Variants in OR51A7 observed in about 807,000 individuals in gnomAD.
OR51A7 encodes olfactory receptor 51A7.
For synonymous variants in OR51A7, 143 were observed against 135.5 expected, an observed-to-expected ratio of 1.05 and a Z score of -0.38; for missense variants, 409 against 374.5, an observed-to-expected ratio of 1.09 and a Z score of -0.76.
intron 1 of OR51A7, among the ~76,000 whole-genome samples, chr11:4,905,086 A>G (rs1034500846): frequency 1.3e-5 from 2 of 152,180 alleles, no homozygotes; most frequent in African/African-American, 4.8e-5. Context: ...ATAAAAAGGA[A>G]TAAGAGTTAA....
rs1388446902 is a variant in OR51A7 at position 4,909,190 on chromosome 11, G to A, written c.*882G>A. The A allele has an allele frequency of 6.6e-6, 1 of 151,822 alleles. No individual in the cohort carries two copies. Among genetic ancestry groups the A allele is most frequent in the Non-Finnish European group, 1.5e-5 (1 of 67,966 alleles). 9.4% of individuals were successfully genotyped at this position (151,822 alleles called of 1,614,324 possible). ...ATGTTCTTAAAAATTGATTCCTGCA[G>A]GACACGACATTTGGTACCACAATAA... On this transcript the variant is annotated 3_prime_UTR_variant, in exon 2 of 2. Coordinates refer to ENST00000641490, the MANE Select transcript of OR51A7 (RefSeq NM_001004749.2).
chr11:4,907,575 C>G lies in OR51A7; in HGVS notation c.206C>G (p.Ser69Cys), dbSNP rs2133565872. The change falls in exon 2 of 2, where the codon TCT becomes TGT. Residue 69 changes from serine to cysteine, a missense_variant. Physicochemically the swap from Ser to Cys is moderately radical, Grantham distance 112. Transcript: ENST00000641490. ...TATTTCCTTGCCATGTTGGCTGTCT[C>G]TGACATGGGCCTGTCCCTCTCCTCC... ...MYYFLAMLAV[S>C]DMGLSLSSLP... 6.2e-7 allele frequency: 1 copy of G among 1,614,082 alleles called. No individual in the cohort carries two copies. The highest frequency in any genetic ancestry group is 8.5e-7 in the Non-Finnish European group (1 of 1,179,972).
Position 4,908,039 on chromosome 11 carries a change from A to T in OR51A7, c.670A>T (p.Ile224Leu). ...VLSYVLILKT[I>L]LSIASLAERL... ...GTCTTATGTGCTGATCTTGAAGACT[A>T]TACTCAGCATTGCATCTTTGGCAGA... Residue 224 changes from isoleucine to leucine, a missense_variant, in exon 2 of 2, where the codon ATA (isoleucine) becomes TTA (leucine). Transcript: ENST00000641490. 6.2e-7 allele frequency: 1 copy of T among 1,614,134 alleles called. No homozygotes were observed. The highest frequency in any genetic ancestry group is 8.5e-7 in the Non-Finnish European group (1 of 1,180,008).
intron 1 of OR51A7, among the ~76,000 whole-genome samples, chr11:4,904,785 G>A (rs116473629): frequency 6.6e-6 from 1 of 152,084 alleles, no homozygotes; most frequent in Non-Finnish European, 1.5e-5. Flanking sequence ...GCTAAGAAAT[G>A]ATTCTACATA....
intron 1 of OR51A7, among the ~76,000 whole-genome samples, chr11:4,906,038 A>T (rs1160111403): frequency 6.6e-6 from 1 of 152,198 alleles, no homozygotes; most frequent in South Asian, 2.1e-4. Flanking sequence ...AGATTAAATA[A>T]TCCAATCAAG....
Position 4,909,064 on chromosome 11 carries a change from G to A in OR51A7, c.*756G>A, listed in dbSNP as rs565781634. 1 of 152,146 alleles carries A rather than the reference G, an allele frequency of 6.6e-6. No homozygotes were observed. Among genetic ancestry groups the A allele is most frequent in the East Asian group, 1.9e-4 (1 of 5,178 alleles). 9.4% of individuals were successfully genotyped at this position (152,146 alleles called of 1,614,324 possible). ...ATGGAAAATTCACAAATTTAACTAA[G>A]TGACTAAAAGATAATTTTAAACCCC... On this transcript the variant is annotated 3_prime_UTR_variant, in exon 2 of 2. Coordinates refer to ENST00000641490, the MANE Select transcript of OR51A7 (RefSeq NM_001004749.2).
At position 4,907,543 on chromosome 11, in the gene OR51A7, C is replaced by A; in HGVS notation, c.174C>A (p.Pro58=). The A allele has an allele frequency of 6.2e-7, 1 of 1,614,070 alleles. No homozygotes were observed. The highest frequency in any genetic ancestry group is 8.5e-7 in the Non-Finnish European group (1 of 1,180,008). ...AGACAGAGCCCTCGCTTCATGAGCC[C>A]ATGTATTATTTCCTTGCCATGTTGG... ...IIKTEPSLHE[P]MYYFLAMLAV... is the part of the protein sequence containing the mutation. The change falls in exon 2 of 2, where the codon CCC becomes CCA. Residue 58 remains proline, a synonymous_variant. Coordinates refer to ENST00000641490, the MANE Select transcript of OR51A7 (RefSeq NM_001004749.2).
At chr11:4,905,222 G>A (rs376444934) in intron 1 of OR51A7, among the ~76,000 whole-genome samples, 1 of 152,048 alleles carries the variant, frequency 6.6e-6, no homozygotes, top group Non-Finnish European at 1.5e-5. Context: ...ATCTGCTACC[G>A]TCTCCACATT....
chr11:4,904,213 A>G (rs1850847633), intron 1 of OR51A7, among the ~76,000 whole-genome samples: 1 of 152,114 alleles, frequency 6.6e-6, no homozygotes, highest in South Asian at 2.1e-4. Flanking sequence ...TGAGGTAGAT[A>G]CCATTGTTTA....
chr11:4,903,937 A>C (rs7118691), intron 1 of OR51A7, 93 bp downstream of exon 1: 75,119 of 151,862 alleles, frequency 0.49, 20,750 homozygotes, highest in Middle Eastern at 0.69. Context: ...TGAATATATT[A>C]TGCCCTGACG....
chr11:4,907,016 A>G (rs1489863200), intron 1 of OR51A7, among the ~76,000 whole-genome samples: 1 of 143,598 alleles, frequency 7.0e-6, no homozygotes, highest in East Asian at 2.2e-4. Context: ...GAATCACTTG[A>G]TCGCGGGAGG....
chr11:4,907,656 C>A lies in OR51A7; in HGVS notation c.287C>A (p.Ala96Asp). Reference protein sequence around the residue: ...LFNAMGISPNACFAQEFFIHG... With the variant: ...LFNAMGISPNDCFAQEFFIHG... ...AATGCCATGGGAATTTCACCTAATGCCTGCTTTGCTCAAGAATTCTTCATT... is the reference window on the plus strand; with the variant it reads ...AATGCCATGGGAATTTCACCTAATGACTGCTTTGCTCAAGAATTCTTCATT... The change falls in exon 2 of 2, where the codon GCC becomes GAC. Residue 96 changes from alanine to aspartate, a missense_variant. Coordinates refer to ENST00000641490, the MANE Select transcript of OR51A7 (RefSeq NM_001004749.2). 1 of 1,614,040 alleles carries A rather than the reference C, an allele frequency of 6.2e-7. No individual in the cohort carries two copies. Among genetic ancestry groups the A allele is most frequent in the Non-Finnish European group, 8.5e-7 (1 of 1,179,970 alleles).
chr11:4,907,109 A>AAAAAAAAAT (rs1564804260), intron 1 of OR51A7, among the ~76,000 whole-genome samples: 3 of 150,790 alleles, frequency 2.0e-5, no homozygotes, highest in African/African-American at 4.9e-5. Flanking sequence ...AAAAAAAAAA[A>AAAAAAAAAT]AAAAAATCCT....
chr11:4,905,578 T>G (rs548376190), intron 1 of OR51A7, among the ~76,000 whole-genome samples: 1 of 152,222 alleles, frequency 6.6e-6, no homozygotes, highest in African/African-American at 2.4e-5. Flanking sequence ...AATTCTGGAG[T>G]GAGGATAGCT....
intron 1 of OR51A7, among the ~76,000 whole-genome samples, chr11:4,906,356 C>G (rs1365292389): frequency 6.6e-6 from 1 of 152,074 alleles, no homozygotes; most frequent in Non-Finnish European, 1.5e-5. Context: ...TCAAAACCTA[C>G]CAAGATTGTA....
At chr11:4,905,673 A>G (rs1415477347) in intron 1 of OR51A7, among the ~76,000 whole-genome samples, 1 of 152,060 alleles carries the variant, frequency 6.6e-6, no homozygotes, top group Non-Finnish European at 1.5e-5. Flanking sequence ...TAATTTCATA[A>G]TTTTAATTTA....
In OR51A7 at chr11:4,907,959, T is replaced by C; in HGVS notation, c.590T>C (p.Ile197Thr). The C allele has an allele frequency of 6.2e-7, 1 of 1,614,142 alleles. No homozygotes were observed. Among genetic ancestry groups the C allele is most frequent in the South Asian group, 1.1e-5 (1 of 91,076 alleles). ...LACSDNKTNV[I>T]YGFFIALCTM... The stretch of plus-strand genomic sequence containing the variant: ...TGCTCTGACAACAAGACCAATGTCA[T>C]CTATGGCTTCTTCATTGCTCTCTGT... The change falls in exon 2 of 2, where the codon ATC becomes ACC. Residue 197 changes from isoleucine (I) to threonine (T), a missense_variant. Ile to Thr is a moderately conservative substitution (Grantham distance 89). Coordinates refer to ENST00000641490, the MANE Select transcript of OR51A7 (RefSeq NM_001004749.2).
Position 4,908,664 on chromosome 11 carries a change from C to G in OR51A7, c.*356C>G, listed in dbSNP as rs1589935788. 3.2e-6 allele frequency: 1 copy of G among 316,738 alleles called. No individual in the cohort carries two copies. The highest frequency in any genetic ancestry group is 7.9e-5 in the East Asian group (1 of 12,686). The allele number at this position is 316,738 out of a possible 1,614,324, so 19.6% of individuals were successfully genotyped here. A position where few individuals can be genotyped will look rare whatever the true frequency, so the allele number is the denominator to read the frequency against. On this transcript the variant is annotated 3_prime_UTR_variant, in exon 2 of 2. Transcript: ENST00000641490. ...ATACAGATGATATACAAAGTCTAAT[C>G]TCATACTGTCAAGGAAAGGTAAAAT... is the stretch of plus-strand genomic sequence containing the variant.
Position 4,908,015 on chromosome 11 carries a change from T to A in OR51A7, c.646T>A (p.Ser216Thr), listed in dbSNP as rs1176570398. Reference sequence around the variant, plus strand: ...GCTGGACTTGGCACTGATTGTTTTGTCTTATGTGCTGATCTTGAAGACTAT... The same window carrying A: ...GCTGGACTTGGCACTGATTGTTTTGACTTATGTGCTGATCTTGAAGACTAT... ...TMLDLALIVL[S>T]YVLILKTILS... The change falls in exon 2 of 2, where the codon TCT (serine) becomes ACT (threonine). Residue 216 changes from serine (S) to threonine (T), a missense_variant. Ser to Thr is a moderately conservative substitution (Grantham distance 58). Transcript: ENST00000641490. 6.2e-7 allele frequency: 1 copy of A among 1,614,088 alleles called. No homozygotes were observed. The highest frequency in any genetic ancestry group is 8.5e-7 in the Non-Finnish European group (1 of 1,180,034).
Sources: allele counts gnomAD v4.1 joint callset (sites outside exome capture counted in the v4.1 genomes callset), GRCh38; gene constraint gnomAD v4.1.1; transcripts MANE v1.5; gene names NCBI Gene and HGNC (gene_info 2026-07-23, HGNC 2026-07-21).